The following RAB7B variants were observed in gnomAD, a reference collection of about 807,000 sequenced individuals.
RAB7B encodes ras-related protein Rab-7b.
chr1:205,990,496 G>T (rs1201669815), intron 4 of RAB7B, among the ~76,000 whole-genome samples: 1 of 152,184 alleles, frequency 6.6e-6, no homozygotes, highest in Non-Finnish European at 1.5e-5. Context: ...GAGCCAGAAT[G>T]CATGAGTGTG....
At chr1:205,990,374 G>A (rs1660700585) in intron 4 of RAB7B, among the ~76,000 whole-genome samples, 1 of 152,234 alleles carries the variant, frequency 6.6e-6, no homozygotes, top group Admixed American at 6.5e-5. Flanking sequence ...CTGGAGTTTG[G>A]TGGACATGGT....
At chr1:205,993,775 G>C (rs1435150983) in intron 2 of RAB7B, among the ~76,000 whole-genome samples, 5 of 152,216 alleles carry the variant, frequency 3.3e-5, no homozygotes, top group African/African-American at 1.2e-4. Context: ...GGAGACGGTG[G>C]AATATCTCAC....
intron 5 of RAB7B, among the ~76,000 whole-genome samples, chr1:205,983,117 C>T (rs1198683425): frequency 1.3e-5 from 2 of 152,148 alleles, no homozygotes; most frequent in African/African-American, 4.8e-5. Flanking sequence ...TCGGGGTTCA[C>T]GAGGCCTTGG....
intron 5 of RAB7B, chr1:205,983,906 G>C (rs1660543306): frequency 6.6e-6 from 1 of 152,230 alleles, no homozygotes; most frequent in African/African-American, 2.4e-5. Flanking sequence ...GAAGAATAAA[G>C]GATACTCCTT....
chr1:205,990,687 T>A (rs2102638846), intron 4 of RAB7B, among the ~76,000 whole-genome samples: 1 of 152,154 alleles, frequency 6.6e-6, no homozygotes, highest in African/African-American at 2.4e-5. Flanking sequence ...CAGCGAAATG[T>A]TCCCAGTGGA....
At chr1:205,986,666 C>T (rs1660613480) in intron 4 of RAB7B, among the ~76,000 whole-genome samples, 2 of 152,242 alleles carry the variant, frequency 1.3e-5, no homozygotes. Flanking sequence ...GCTCTGGAAG[C>T]CCTCTGGGTT....
In RAB7B at chr1:205,991,977, C is replaced by T. The variant is rs978914404; in HGVS notation, c.396+503G>A. On this transcript the variant is annotated intron_variant, in intron 4 of 5. Coordinates refer to ENST00000617070, the MANE Select transcript of RAB7B (RefSeq NM_001164522.3). ...GCTTAAGCTAATACAAAAATTATTA[C>T]TTCCCCAGAAAACTTGTATATCCAA... Among the ~76,000 whole-genome samples the T allele has an allele frequency of 7.6e-3, 1,161 of 152,330 alleles. 23 individuals carry two copies. Among genetic ancestry groups the T allele is most frequent in the African/African-American group, 0.026 (1,098 of 41,556 alleles).
intron 1 of RAB7B, among the ~76,000 whole-genome samples, chr1:206,001,193 C>T (rs1029112105): frequency 6.6e-6 from 1 of 151,932 alleles, no homozygotes; most frequent in Non-Finnish European, 1.5e-5. Flanking sequence ...CGCAGCCTGG[C>T]TCACCTAGGA....
At position 205,992,526 on chromosome 1, in the gene RAB7B, T is replaced by A; in HGVS notation, c.350A>T (p.Tyr117Phe). 2.5e-6 allele frequency: 1 copy of A among 398,606 alleles called. No homozygotes were observed. The highest frequency in any genetic ancestry group is 4.4e-6 in the Non-Finnish European group (1 of 226,072). The allele number at this position is 398,606 out of a possible 1,614,324, so 24.7% of individuals were successfully genotyped here. A position where few individuals can be genotyped will look rare whatever the true frequency, so the allele number is the denominator to read the frequency against. The stretch of plus-strand genomic sequence containing the variant: ...CTTGTTCCCCAACAACACCATGGGG[T>A]AGGACTGCTCCATGGGGACAATCTT... ...LAKIVPMEQS[Y>F]PMVLLGNKID... Residue 117 changes from tyrosine (Y) to phenylalanine (F), a missense_variant, in exon 4 of 6, where the codon TAC (tyrosine) becomes TTC (phenylalanine). Physicochemically the swap from Tyr to Phe is conservative, Grantham distance 22. Transcript: ENST00000617070.
rs1334766163 is a variant in RAB7B, at chr1:205,977,561, G to T, written c.*1290C>A. Reference sequence around the variant, plus strand: ...ACTTTCTGCTCAGCCTGGAAGAGAAGGAGCACTGCTGCCCTCTGGTGGTCA... The same window carrying T: ...ACTTTCTGCTCAGCCTGGAAGAGAATGAGCACTGCTGCCCTCTGGTGGTCA... On this transcript the variant is annotated 3_prime_UTR_variant, in exon 6 of 6. Transcript: ENST00000617070. The T allele has an allele frequency of 6.6e-6, 1 of 152,188 alleles. No homozygotes were observed. Among genetic ancestry groups the T allele is most frequent in the African/African-American group, 2.4e-5 (1 of 41,446 alleles). 9.4% of individuals were successfully genotyped at this position (152,188 alleles called of 1,614,324 possible).
intron 5 of RAB7B, among the ~76,000 whole-genome samples, chr1:205,985,107 C>G (rs984688355): frequency 2.0e-5 from 3 of 152,202 alleles, no homozygotes; most frequent in African/African-American, 7.2e-5. Context: ...TAGGGGTCTA[C>G]GTCTATTCAT....
chr1:205,988,726 A>G (rs1273669744), intron 4 of RAB7B, among the ~76,000 whole-genome samples: 1 of 152,076 alleles, frequency 6.6e-6, no homozygotes, highest in East Asian at 1.9e-4. Flanking sequence ...CCCGCAGAGG[A>G]GGGAACCGGT....
chr1:205,996,489 G>C (rs2102642759), intron 1 of RAB7B, among the ~76,000 whole-genome samples: 1 of 152,256 alleles, frequency 6.6e-6, no homozygotes, highest in East Asian at 1.9e-4. Flanking sequence ...TTTCCAACTG[G>C]AGAATGAGCC....
chr1:205,994,160 A>G lies in RAB7B; in HGVS notation c.-16-9T>C. ...TGGAAGGGCTTCAGAGCCTGTAAGGAAACAGAGGTCATCCACATGCTAGCC... is the reference window on the plus strand; with the variant it reads ...TGGAAGGGCTTCAGAGCCTGTAAGGGAACAGAGGTCATCCACATGCTAGCC... On this transcript the variant is annotated splice_polypyrimidine_tract_variant and intron_variant, in intron 1 of 5. Transcript: ENST00000617070. 2.5e-6 allele frequency: 1 copy of G among 398,660 alleles called. No homozygotes were observed. Among genetic ancestry groups the G allele is most frequent in the Non-Finnish European group, 4.4e-6 (1 of 226,066 alleles). 24.7% of individuals were successfully genotyped at this position (398,660 alleles called of 1,614,324 possible).
intron 4 of RAB7B, among the ~76,000 whole-genome samples, chr1:205,988,627 A>T (rs1211812192): frequency 6.6e-6 from 1 of 152,098 alleles, no homozygotes; most frequent in Non-Finnish European, 1.5e-5. Context: ...AATAAGGAGG[A>T]TCATTTCCTT....
intron 5 of RAB7B, among the ~76,000 whole-genome samples, chr1:205,983,125 T>A (rs910978798): frequency 0.96 from 145,528 of 152,200 alleles, 69,917 homozygotes; most frequent in East Asian, 1. Context: ...CACGAGGCCT[T>A]GGTGGCCTTG....
chr1:206,002,588 G>A (rs1057378500), intron 1 of RAB7B, among the ~76,000 whole-genome samples: 14 of 152,186 alleles, frequency 9.2e-5, no homozygotes, highest in African/African-American at 1.9e-4. Context: ...AGATTGATCT[G>A]TAAGCCCAAA....
chr1:205,986,807 G>C (rs1660616346), intron 4 of RAB7B, among the ~76,000 whole-genome samples: 1 of 152,088 alleles, frequency 6.6e-6, no homozygotes, highest in Non-Finnish European at 1.5e-5. Context: ...GGGGAGCCAA[G>C]GTCTTTCTCA....
chr1:205,998,342 C>A (rs1342132688), intron 1 of RAB7B, among the ~76,000 whole-genome samples: 1 of 152,162 alleles, frequency 6.6e-6, no homozygotes. Flanking sequence ...GGTGACAGAG[C>A]AAGACTCGGT....
Sources: allele counts gnomAD v4.1 joint callset (sites outside exome capture counted in the v4.1 genomes callset), GRCh38; gene constraint gnomAD v4.1.1; transcripts MANE v1.5; gene names NCBI Gene and HGNC (gene_info 2026-07-23, HGNC 2026-07-21).